GABRG3: variants seen among roughly 807,000 people sequenced by gnomAD.
The protein encoded by GABRG3 is gamma-aminobutyric acid receptor subunit gamma-3.
A neutral mutation model predicts 48.8 loss-of-function variants in GABRG3; 25 were observed. That is an observed-to-expected ratio of 0.51 (90% CI 0.37 to 0.72). The LOEUF (loss-of-function observed/expected upper bound fraction) is 0.72, where lower values mean the gene tolerates loss of function less well. Among genes scored for constraint, GABRG3 ranks in the 30% least tolerant of loss-of-function variants. GABRG3 has a pLI of 0.00. For synonymous variants in GABRG3, 227 were observed against 217.6 expected (o/e 1.04, Z -0.38); for missense variants, 394 against 577.9 (o/e 0.68, Z 3.26).
chr15:27,518,377 AAAAAAT>A (rs1156635454), intron 6 of GABRG3, among the ~76,000 whole-genome samples: 1 of 151,552 alleles, frequency 6.6e-6, no homozygotes, highest in African/African-American at 2.4e-5. Context: ...CTCAAAAAAA[AAAAAAT>A]GGGACATCAG....
rs187758743 is a variant in GABRG3, at chr15:27,357,438, T to C, written c.574+28550T>C. On this transcript the variant is annotated intron_variant, in intron 5 of 9. Transcript: ENST00000615808. The stretch of plus-strand genomic sequence containing the variant: ...ATTATTGGAACACCACCCAAAACTT[T>C]TATTTATGTGGATTATCTCTATCAT... Among the ~76,000 whole-genome samples the C allele has an allele frequency of 3.1e-3, 472 of 152,324 alleles. 2 individuals are homozygous for C. Among genetic ancestry groups the C allele is most frequent in the African/African-American group, 0.011 (442 of 41,576 alleles).
At position 27,508,782 on chromosome 15, in the gene GABRG3, C is replaced by T. The variant is rs192291464; in HGVS notation, c.713-11190C>T. ...AGGCTGGAGTACAGTGGCGTGATCT[C>T]GGCTCACTGCAAACTCTGCCTCCCA... On this transcript the variant is annotated intron_variant, in intron 6 of 9. Transcript: ENST00000615808. Among the ~76,000 whole-genome samples the T allele has an allele frequency of 2.2e-4, 34 of 152,074 alleles. No homozygotes were observed. In the East Asian group the frequency reaches 6.2e-3, roughly 28 times the overall value.
At chr15:27,427,313 G>A (rs138392795) in intron 5 of GABRG3, among the ~76,000 whole-genome samples, 2 of 152,252 alleles carry the variant, frequency 1.3e-5, no homozygotes, top group East Asian at 3.9e-4. Context: ...CCATTTTGTA[G>A]ATAAGGAACC....
At chr15:27,030,320 C>T (rs1490309167) in intron 3 of GABRG3, among the ~76,000 whole-genome samples, 1 of 152,194 alleles carries the variant, frequency 6.6e-6, no homozygotes. Context: ...TTCACACTTT[C>T]TGCCTTTTAT....
rs771375288 is a variant in GABRG3, at chr15:27,326,806, C to T, written c.271-3C>T. The T allele has an allele frequency of 1.2e-6, 2 of 1,609,612 alleles. No individual in the cohort carries two copies. Among genetic ancestry groups the T allele is most frequent in the East Asian group, 4.5e-5 (2 of 44,860 alleles). ...TCTTGCCTCTCCTTCTGCTCTGTTT[C>T]AGGAATACCAAATTGACATATTTTT... On this transcript the variant is annotated splice_region_variant and splice_polypyrimidine_tract_variant and intron_variant, in intron 3 of 9. Transcript: ENST00000615808.
intron 2 of GABRG3, among the ~76,000 whole-genome samples, chr15:27,015,686 C>T (rs1292807113): frequency 7.9e-5 from 12 of 151,926 alleles, no homozygotes; most frequent in East Asian, 5.8e-4. Context: ...CGCGCCCGGC[C>T]GTGTTTGATT....
chr15:27,308,472 T>G lies in GABRG3; in HGVS notation c.271-18337T>G, dbSNP rs943908122. ...ATATGCAAACATACATGTTTATATA[T>G]AAACATATAATGTAAACATACATGT... On this transcript the variant is annotated intron_variant, in intron 3 of 9. Transcript: ENST00000615808. Among the ~76,000 whole-genome samples the G allele has an allele frequency of 3.0e-4, 45 of 147,708 alleles. 1 individual carries two copies. The highest frequency in any genetic ancestry group is 1.1e-3 in the African/African-American group (43 of 40,864).
At chr15:27,034,048 C>A (rs1053133902) in intron 3 of GABRG3, among the ~76,000 whole-genome samples, 16 of 152,166 alleles carry the variant, frequency 1.1e-4, no homozygotes, top group African/African-American at 3.9e-4. Flanking sequence ...ACAGGATCTC[C>A]AGATCATTGT....
At chr15:27,132,237 T>C (rs1402946726) in intron 3 of GABRG3, among the ~76,000 whole-genome samples, 2 of 152,086 alleles carry the variant, frequency 1.3e-5, no homozygotes, top group East Asian at 1.9e-4. Context: ...ATTTCCCCTA[T>C]ATTTTCTTCT....
At position 27,235,285 on chromosome 15, in the gene GABRG3, C is replaced by T. The variant is rs79969526; in HGVS notation, c.271-91524C>T. Among the ~76,000 whole-genome samples the T allele has an allele frequency of 3.7e-3, 563 of 152,270 alleles. 3 individuals carry two copies. Among genetic ancestry groups the T allele is most frequent in the African/African-American group, 0.012 (510 of 41,548 alleles). On this transcript the variant is annotated intron_variant, in intron 3 of 9. Coordinates refer to ENST00000615808, the MANE Select transcript of GABRG3 (RefSeq NM_033223.5). ...CCTGCACAGAAGATGGTTTGTTCAC[C>T]TCTGAGAGACAGGAATTTAGAGGTC...
intron 5 of GABRG3, among the ~76,000 whole-genome samples, chr15:27,336,347 A>C (rs1893977224): frequency 6.6e-6 from 1 of 152,084 alleles, no homozygotes; most frequent in Non-Finnish European, 1.5e-5. Flanking sequence ...GGAAAGAAAG[A>C]AAGAAGAAAT....
intron 3 of GABRG3, among the ~76,000 whole-genome samples, chr15:27,028,905 G>A (rs1365825543): frequency 6.6e-6 from 1 of 151,932 alleles, no homozygotes; most frequent in East Asian, 1.9e-4. Flanking sequence ...CTCACATTAG[G>A]GACTTGAAAT....
chr15:27,318,281 C>T (rs565709614), intron 3 of GABRG3, among the ~76,000 whole-genome samples: 1 of 152,214 alleles, frequency 6.6e-6, no homozygotes, highest in South Asian at 2.1e-4. Context: ...TTTTTTTTCT[C>T]CTTCCACTAT....
At chr15:27,308,355 TTATA>T (rs1239794249) in intron 3 of GABRG3, among the ~76,000 whole-genome samples, 6 of 93,270 alleles carry the variant, frequency 6.4e-5, no homozygotes, top group African/African-American at 2.0e-4. Context: ...AAACATACGT[TTATA>T]TATAAACATA....
chr15:27,467,808 G>T lies in GABRG3; in HGVS notation c.575-12842G>T, dbSNP rs115245890. 4.3e-3 allele frequency among the ~76,000 whole-genome samples: 651 copies of T among 152,252 alleles called. 2 individuals carry two copies. Among genetic ancestry groups the T allele is most frequent in the African/African-American group, 0.015 (626 of 41,540 alleles). ...TATGGATTTTCCTAGAAATGTAGTC[G>T]TCTCCCCTAATCCACGTTTTGCTTT... On this transcript the variant is annotated intron_variant, in intron 5 of 9. Coordinates refer to ENST00000615808, the MANE Select transcript of GABRG3 (RefSeq NM_033223.5).
At chr15:27,056,117 A>G (rs1039477659) in intron 3 of GABRG3, among the ~76,000 whole-genome samples, 1 of 152,058 alleles carries the variant, frequency 6.6e-6, no homozygotes, top group Non-Finnish European at 1.5e-5. Context: ...TGGGAGGCTG[A>G]GGTGGTGGGT....
At chr15:27,054,301 C>G (rs527915878) in intron 3 of GABRG3, among the ~76,000 whole-genome samples, 1 of 152,038 alleles carries the variant, frequency 6.6e-6, no homozygotes, top group African/African-American at 2.4e-5. Flanking sequence ...TGAAAAACTG[C>G]CTGTTGGGTT....
chr15:27,521,950 G>A (rs758934676), intron 7 of GABRG3, among the ~76,000 whole-genome samples: 1 of 151,862 alleles, frequency 6.6e-6, no homozygotes, highest in Non-Finnish European at 1.5e-5. Flanking sequence ...AAAGAATGAG[G>A]ACAAATATTT....
At chr15:27,183,242 T>C (rs1887990613) in intron 3 of GABRG3, among the ~76,000 whole-genome samples, 1 of 152,140 alleles carries the variant, frequency 6.6e-6, no homozygotes, top group Non-Finnish European at 1.5e-5. Flanking sequence ...GAATACAATA[T>C]AAAAAAGCTA....
Sources: allele counts gnomAD v4.1 joint callset (sites outside exome capture counted in the v4.1 genomes callset), GRCh38; gene constraint gnomAD v4.1.1; transcripts MANE v1.5; gene names NCBI Gene and HGNC (gene_info 2026-07-23, HGNC 2026-07-21).